Variants in AMMECR1 observed in about 807,000 individuals in gnomAD.
AMMECR1 encodes AMMECR nuclear protein 1, also known as nuclear protein AMMECR1.
In AMMECR1, 3 loss-of-function variants were observed where a neutral mutation model predicts 22.5. That is an observed-to-expected ratio of 0.13 (90% confidence interval 0.06 to 0.35). The LOEUF (loss-of-function observed/expected upper bound fraction) is 0.35. Among genes scored for constraint, AMMECR1 ranks in the 10% least tolerant of loss-of-function variants. AMMECR1 has a pLI of 1.00. For synonymous variants in AMMECR1, 130 were observed against 116.7 expected, an observed-to-expected ratio of 1.11 and a Z score of -0.74; for missense variants, 235 against 278.7, an observed-to-expected ratio of 0.84 and a Z score of 1.12.
At chrX:110,233,780 C>T (rs944700204) in intron 2 of AMMECR1, among the ~76,000 whole-genome samples, 2 of 112,173 alleles carry the variant, frequency 1.8e-5, no homozygotes, top group African/African-American at 6.5e-5. Context: ...AACTCAACAA[C>T]CCTTCATGCT....
chrX:110,430,309 T>A (rs1464039252), intron 1 of AMMECR1, among the ~76,000 whole-genome samples: 2 of 112,776 alleles, frequency 1.8e-5, no homozygotes, highest in Non-Finnish European at 3.7e-5. Flanking sequence ...AAAATAATAA[T>A]TACTAACATT....
chrX:110,334,255 C>T (rs1000697050), intron 2 of AMMECR1, among the ~76,000 whole-genome samples: 1 of 111,481 alleles, frequency 9.0e-6, no homozygotes, highest in South Asian at 3.8e-4. Flanking sequence ...CATTTTTGCA[C>T]CCTGGTGTGT....
intron 2 of AMMECR1, among the ~76,000 whole-genome samples, chrX:110,384,221 C>T (rs1206992618): frequency 1.8e-5 from 2 of 110,902 alleles, no homozygotes; most frequent in African/African-American, 6.6e-5. Context: ...TACTTTCTCC[C>T]CCATAGTGCC....
chrX:110,245,655 G>A (rs2067654965), intron 2 of AMMECR1, among the ~76,000 whole-genome samples: 2 of 110,595 alleles, frequency 1.8e-5, no homozygotes, highest in African/African-American at 6.6e-5. Flanking sequence ...GTGAAAAAGA[G>A]GTGAGGTACT....
At chrX:110,264,239 T>C (rs746703974) in intron 2 of AMMECR1, among the ~76,000 whole-genome samples, 1 of 109,827 alleles carries the variant, frequency 9.1e-6, no homozygotes, top group Admixed American at 9.7e-5. Context: ...AGCTGGCCAC[T>C]GGAAGAAAAA....
At chrX:110,338,151 G>T (rs976383013) in intron 2 of AMMECR1, among the ~76,000 whole-genome samples, 1 of 111,914 alleles carries the variant, frequency 8.9e-6, no homozygotes, top group Non-Finnish European at 1.9e-5. Context: ...TGGTGGTGAT[G>T]GTTGTTTAAC....
rs904352397 is a variant in AMMECR1 at position 110,362,210 on chromosome X, G to T, written c.-147-44361C>A. 2.7e-5 allele frequency among the ~76,000 whole-genome samples: 3 copies of T among 111,637 alleles called. No homozygotes were observed. The Admixed American group carries it at 2.9e-4, about 11-fold the overall frequency. The stretch of plus-strand genomic sequence containing the variant: ...ACAAAATCTAGCTTTGGATGGGTTT[G>T]CAGCATATCAACTCTCCTTCCTTCT... On this transcript the variant is annotated intron_variant, in intron 2 of 7. Coordinates refer to the AMMECR1 transcript ENST00000372057.
intron 2 of AMMECR1, among the ~76,000 whole-genome samples, chrX:110,398,618 ACAG>A (rs1442542619): frequency 8.9e-6 from 1 of 111,998 alleles, no homozygotes; most frequent in Non-Finnish European, 1.9e-5. Flanking sequence ...GAACTAGGAC[ACAG>A]CAGAAGAAAC....
chrX:110,425,081 C>T (rs752431998), intron 2 of AMMECR1, among the ~76,000 whole-genome samples: 1 of 111,956 alleles, frequency 8.9e-6, no homozygotes, highest in Non-Finnish European at 1.9e-5. Context: ...TGAGTTGTAT[C>T]GCTTCCCTTG....
intron 1 of AMMECR1, among the ~76,000 whole-genome samples, chrX:110,287,819 C>T (rs1405099673): frequency 1.8e-5 from 2 of 111,815 alleles, no homozygotes; most frequent in Admixed American, 9.5e-5. Context: ...GTGTACAAGG[C>T]CATCCCACAA....
Position 110,377,055 on chromosome X carries a change from G to C in AMMECR1, c.-148+49603C>G, listed in dbSNP as rs189217500. ...AGGCAGTGGGTGAAAGTGGAGTGGG[G>C]CCACTAGTAGACAGTAATAACAATA... On this transcript the variant is annotated intron_variant, in intron 2 of 7. Coordinates refer to the AMMECR1 transcript ENST00000372057. Among the ~76,000 whole-genome samples, 433 of 111,493 alleles carry C rather than the reference G, an allele frequency of 3.9e-3. 4 individuals carry two copies. The highest frequency in any genetic ancestry group is 0.012 in the African/African-American group (372 of 30,617).
At chrX:110,278,479 A>C (rs2067837034) in intron 1 of AMMECR1, among the ~76,000 whole-genome samples, 1 of 111,798 alleles carries the variant, frequency 8.9e-6, no homozygotes, top group Admixed American at 9.5e-5. Context: ...GTAATAAGGC[A>C]GTGAAATAAG....
At chrX:110,406,215 G>C (rs1456172001) in intron 2 of AMMECR1, among the ~76,000 whole-genome samples, 1 of 109,056 alleles carries the variant, frequency 9.2e-6, no homozygotes, top group Admixed American at 9.8e-5. Context: ...CCATCTACCC[G>C]TCACCTACAT....
At chrX:110,338,555 A>G (rs2068149639) in intron 2 of AMMECR1, among the ~76,000 whole-genome samples, 1 of 112,234 alleles carries the variant, frequency 8.9e-6, no homozygotes, top group Admixed American at 9.4e-5. Flanking sequence ...CATTATAATT[A>G]TACATATGAA....
intron 2 of AMMECR1, among the ~76,000 whole-genome samples, chrX:110,234,197 G>C (rs1341082873): frequency 9.0e-6 from 1 of 111,460 alleles, no homozygotes; most frequent in Non-Finnish European, 1.9e-5. Flanking sequence ...GACAAACAGA[G>C]AGCCAAATCA....
chrX:110,343,926 A>G (rs1270481724), intron 2 of AMMECR1, among the ~76,000 whole-genome samples: 1 of 111,742 alleles, frequency 8.9e-6, no homozygotes, highest in Non-Finnish European at 1.9e-5. Context: ...GCCCAAGGTA[A>G]TCTATAGATT....
chrX:110,341,806 T>C (rs2148238767), intron 2 of AMMECR1, among the ~76,000 whole-genome samples: 1 of 112,809 alleles, frequency 8.9e-6, no homozygotes, highest in South Asian at 3.7e-4. Context: ...GGCTCACGCC[T>C]GTAATCCCAA....
intron 2 of AMMECR1, among the ~76,000 whole-genome samples, chrX:110,259,755 C>A (rs2067730071): frequency 9.1e-6 from 1 of 109,309 alleles, no homozygotes; most frequent in African/African-American, 3.3e-5. Context: ...CCACGCCCGG[C>A]TAATTTTTTG....
At chrX:110,228,097 T>G (rs2067543507) in intron 2 of AMMECR1, among the ~76,000 whole-genome samples, 1 of 112,131 alleles carries the variant, frequency 8.9e-6, no homozygotes, top group Non-Finnish European at 1.9e-5. Context: ...GGCCTCACAT[T>G]CATTTAAATG....
Sources: allele counts gnomAD v4.1 joint callset (sites outside exome capture counted in the v4.1 genomes callset), GRCh38; gene constraint gnomAD v4.1.1; transcripts MANE v1.5; gene names NCBI Gene and HGNC (gene_info 2026-07-23, HGNC 2026-07-21).